Variants in NRXN3 observed in about 807,000 individuals in gnomAD.
NRXN3 encodes the protein neurexin III.
In NRXN3, 32 loss-of-function variants were observed where a neutral mutation model predicts 137.6. The ratio of observed to expected loss-of-function variants is 0.23; its 90% CI spans 0.18 to 0.31. NRXN3 has a LOEUF of 0.31. Among genes scored for constraint, NRXN3 ranks in the 10% least tolerant of loss-of-function variants. The probability of loss-of-function intolerance (pLI) is 1.00; values close to 1 mark genes in which losing one functional copy is unlikely to be tolerated. For synonymous variants in NRXN3, 798 were observed against 784.5 expected, an observed-to-expected ratio of 1.02 and a Z score of -0.29; for missense variants, 1,574 against 2,062.5, an observed-to-expected ratio of 0.76 and a Z score of 4.59.
At position 79,675,554 on chromosome 14, in the gene NRXN3, T is replaced by C. The variant is rs187786125; in HGVS notation, c.3616+11605T>C. Among the ~76,000 whole-genome samples, 4 of 152,216 alleles carry C rather than the reference T, an allele frequency of 2.6e-5. No individual in the cohort carries two copies. In the East Asian group the frequency reaches 7.8e-4, roughly 30 times the overall value. ...TTTATTTTTTGAATTGTCTTATCTGTTTGGAATAAAGAGAGCAAGAGTATC... is the reference window on the plus strand; with the variant it reads ...TTTATTTTTTGAATTGTCTTATCTGCTTGGAATAAAGAGAGCAAGAGTATC... On this transcript the variant is annotated intron_variant, in intron 17 of 20. Coordinates refer to ENST00000335750, the MANE Select transcript of NRXN3 (RefSeq NM_001330195.2).
At chr14:78,619,826 A>C (rs1343592193) in intron 4 of NRXN3, among the ~76,000 whole-genome samples, 1 of 152,276 alleles carries the variant, frequency 6.6e-6, no homozygotes, top group South Asian at 2.1e-4. Context: ...TCTTTACAGC[A>C]GTAGAAAAAT....
rs574136912 is a variant in NRXN3 at position 78,337,125 on chromosome 14, C to T, written c.757+39265C>T. 1.5e-4 allele frequency among the ~76,000 whole-genome samples: 23 copies of T among 152,072 alleles called. No homozygotes were observed. In the East Asian group the frequency reaches 2.5e-3, roughly 17 times the overall value. On this transcript the variant is annotated intron_variant, in intron 4 of 20. Transcript: ENST00000335750. ...TCTGCCTCAGTGGTGTCTTAAGGTG[C>T]GAAATAATAACTAGCAGTAATTTCA...
At chr14:79,788,058 C>T (rs2099134504) in intron 19 of NRXN3, among the ~76,000 whole-genome samples, 2 of 152,154 alleles carry the variant, frequency 1.3e-5, no homozygotes, top group South Asian at 4.1e-4. Flanking sequence ...CACAGCTCCA[C>T]ATGACTGGGG....
At chr14:79,110,503 G>A (rs948607542) in intron 15 of NRXN3, among the ~76,000 whole-genome samples, 1 of 152,180 alleles carries the variant, frequency 6.6e-6, no homozygotes, top group East Asian at 1.9e-4. Context: ...TCATTGCTTT[G>A]TTCCAAAAGC....
rs1365961064 is a variant in NRXN3 at position 79,845,786 on chromosome 14, G to T, written c.4094-15556G>T. Among the ~76,000 whole-genome samples, 587 of 90,168 alleles carry T rather than the reference G, an allele frequency of 6.5e-3. 10 individuals carry two copies. Among genetic ancestry groups the T allele is most frequent in the Non-Finnish European group, 0.01 (413 of 39,862 alleles). The allele number at this position is 90,168 out of a possible 152,430, so 59.2% of individuals were successfully genotyped here. ...GGAGACGGGGAGAGAGAGGGAGACGGGGAGAGAGAGGGAGACGGGGAGAGA... is the reference window on the plus strand; with the variant it reads ...GGAGACGGGGAGAGAGAGGGAGACGTGGAGAGAGAGGGAGACGGGGAGAGA... On this transcript the variant is annotated intron_variant, in intron 20 of 20. Transcript: ENST00000335750.
intron 15 of NRXN3, among the ~76,000 whole-genome samples, chr14:79,358,709 G>A (rs2093574453): frequency 6.6e-6 from 1 of 151,958 alleles, no homozygotes; most frequent in Non-Finnish European, 1.5e-5. Flanking sequence ...GGCGTGTTTG[G>A]TGTCAGAGTG....
intron 15 of NRXN3, among the ~76,000 whole-genome samples, chr14:79,121,485 C>A (rs760738738): frequency 4.6e-5 from 7 of 152,216 alleles, no homozygotes; most frequent in Non-Finnish European, 1.0e-4. Flanking sequence ...CATGCGATTT[C>A]TTCTATAGCT....
chr14:78,865,111 T>A, intron 10 of NRXN3, among the ~76,000 whole-genome samples: 1 of 152,152 alleles, frequency 6.6e-6, no homozygotes, highest in East Asian at 1.9e-4. Context: ...CAATCTTTCA[T>A]CCATGGCACT....
intron 4 of NRXN3, among the ~76,000 whole-genome samples, chr14:78,392,025 C>A (rs1486972122): frequency 2.0e-5 from 3 of 151,508 alleles, no homozygotes; most frequent in Non-Finnish European, 4.4e-5. Flanking sequence ...TATGAAGTAA[C>A]CAAGAGAAAG....
chr14:78,500,307 A>C (rs2153773064), intron 4 of NRXN3, among the ~76,000 whole-genome samples: 1 of 152,254 alleles, frequency 6.6e-6, no homozygotes, highest in East Asian at 1.9e-4. Context: ...TGAATGCTAC[A>C]GTTTCAGAGA....
chr14:79,818,297 C>T (rs2099259082), intron 20 of NRXN3, among the ~76,000 whole-genome samples: 1 of 152,066 alleles, frequency 6.6e-6, no homozygotes, highest in Non-Finnish European at 1.5e-5. Context: ...TCGTGATCCG[C>T]CCGCCTCGGC....
chr14:79,318,231 A>C (rs2089284193), intron 15 of NRXN3, among the ~76,000 whole-genome samples: 2 of 152,260 alleles, frequency 1.3e-5, no homozygotes, highest in African/African-American at 4.8e-5. Context: ...AAAAACATAC[A>C]AATTTATATC....
intron 4 of NRXN3, among the ~76,000 whole-genome samples, chr14:78,388,257 A>AGG (rs1192793959): frequency 5.9e-5 from 9 of 152,202 alleles, no homozygotes; most frequent in Admixed American, 5.9e-4. Context: ...TCCAAGTGCG[A>AGG]GGCTCCTTTG....
intron 14 of NRXN3, among the ~76,000 whole-genome samples, chr14:78,983,854 T>TAAAAAA (rs965751583): frequency 9.4e-6 from 1 of 105,952 alleles, no homozygotes; most frequent in African/African-American, 3.3e-5. Flanking sequence ...AGATTCCATT[T>TAAAAAA]AAAAAAAAAA....
intron 14 of NRXN3, among the ~76,000 whole-genome samples, chr14:78,986,535 T>A (rs1322659379): frequency 6.6e-6 from 1 of 152,170 alleles, no homozygotes; most frequent in Admixed American, 6.6e-5. Flanking sequence ...ATTTGGAGAA[T>A]GCCTTCAAAA....
rs557087914 is a variant in NRXN3 at position 79,062,860 on chromosome 14, G to C, written c.3262+74719G>C. On this transcript the variant is annotated intron_variant, in intron 15 of 20. Coordinates refer to ENST00000335750, the MANE Select transcript of NRXN3 (RefSeq NM_001330195.2). ...ACGAAACAAAAACCCCAAGTCTCTGGGTGTTGTGAATTCTTGCAGGGAAAA... is the reference window on the plus strand; with the variant it reads ...ACGAAACAAAAACCCCAAGTCTCTGCGTGTTGTGAATTCTTGCAGGGAAAA... 6.6e-5 allele frequency among the ~76,000 whole-genome samples: 10 copies of C among 152,206 alleles called. No individual in the cohort carries two copies. The South Asian group carries it at 1.5e-3, about 22-fold the overall frequency.
intron 15 of NRXN3, among the ~76,000 whole-genome samples, chr14:79,147,493 C>T (rs1440553808): frequency 1.3e-5 from 2 of 152,022 alleles, no homozygotes; most frequent in East Asian, 3.9e-4. Context: ...TTAATTTCGC[C>T]CATTTAAGAT....
intron 16 of NRXN3, among the ~76,000 whole-genome samples, chr14:79,613,496 G>A (rs574559065): frequency 6.6e-6 from 1 of 152,150 alleles, no homozygotes; most frequent in Non-Finnish European, 1.5e-5. Flanking sequence ...GCATTGTTTA[G>A]CCAAACCACT....
intron 19 of NRXN3, 22 bp from the exon 20 acceptor site, chr14:79,805,090 A>C: frequency 1.3e-6 from 2 of 1,571,048 alleles, no homozygotes; most frequent in Non-Finnish European, 8.7e-7. Context: ...CTACCCCATT[A>C]TTTTCTCTTT....
Sources: allele counts gnomAD v4.1 joint callset (sites outside exome capture counted in the v4.1 genomes callset), GRCh38; gene constraint gnomAD v4.1.1; transcripts MANE v1.5; gene names NCBI Gene and HGNC (gene_info 2026-07-23, HGNC 2026-07-21).